The following EYS variants were observed in gnomAD, a reference collection of about 807,000 sequenced individuals.
EYS encodes the protein protein eyes shut homolog.
A neutral mutation model predicts 282.1 loss-of-function variants in EYS; 250 were observed. The ratio of observed to expected loss-of-function variants is 0.89; its 90% CI spans 0.80 to 0.98. The LOEUF is 0.98. Among genes scored for constraint, EYS ranks in the 50% least tolerant of loss-of-function variants. EYS has a pLI of 0.00. For synonymous variants in EYS, 1,355 were observed against 1,282.9 expected, an observed-to-expected ratio of 1.06 and a Z score of -1.20; for missense variants, 4,016 against 3,709.0, an observed-to-expected ratio of 1.08 and a Z score of -2.15.
chr6:64,476,667 A>T (rs1776277211), intron 26 of EYS, among the ~76,000 whole-genome samples: 1 of 152,150 alleles, frequency 6.6e-6, no homozygotes, highest in South Asian at 2.1e-4. Flanking sequence ...ATTCATTATT[A>T]TTGCCAAAGT....
intron 22 of EYS, among the ~76,000 whole-genome samples, chr6:64,775,087 G>A (rs1314738124): frequency 1.3e-5 from 2 of 151,944 alleles, no homozygotes; most frequent in Middle Eastern, 3.2e-3. Flanking sequence ...ACTCTCCTGG[G>A]ATAAAACAGC....
intron 9 of EYS, among the ~76,000 whole-genome samples, chr6:65,351,466 C>A (rs1202037573): frequency 6.6e-6 from 1 of 151,592 alleles, no homozygotes; most frequent in African/African-American, 2.4e-5. Flanking sequence ...ATTTTACTGC[C>A]ATTCATAAAG....
At chr6:65,016,508 G>C (rs12204053) in intron 13 of EYS, among the ~76,000 whole-genome samples, 2 of 152,032 alleles carry the variant, frequency 1.3e-5, no homozygotes, top group Non-Finnish European at 2.9e-5. Flanking sequence ...CAAAAATTCA[G>C]ATATTTAGAG....
At chr6:64,107,251 A>ATC (rs1773047235) in intron 31 of EYS, among the ~76,000 whole-genome samples, 1 of 126,704 alleles carries the variant, frequency 7.9e-6, no homozygotes, top group African/African-American at 3.2e-5. Context: ...GGAGATATAT[A>ATC]TATATATATG....
chr6:63,916,797 A>G (rs1308196559), intron 35 of EYS, among the ~76,000 whole-genome samples: 3 of 152,198 alleles, frequency 2.0e-5, no homozygotes, highest in Non-Finnish European at 4.4e-5. Context: ...TATTTACACC[A>G]TCTTTGTGCA....
chr6:65,408,948 T>C (rs1562160357), intron 5 of EYS, among the ~76,000 whole-genome samples: 1 of 152,152 alleles, frequency 6.6e-6, no homozygotes, highest in Non-Finnish European at 1.5e-5. Context: ...TGTTATTTTT[T>C]TCTTCTTTAC....
chr6:64,555,696 GTTA>G (rs3028204), intron 26 of EYS, among the ~76,000 whole-genome samples: 1 of 151,652 alleles, frequency 6.6e-6, no homozygotes, highest in Non-Finnish European at 1.5e-5. Context: ...GATAGTCAAA[GTTA>G]TTATAATAAT....
chr6:63,770,013 A>G (rs1172123480), intron 40 of EYS, among the ~76,000 whole-genome samples: 2 of 152,032 alleles, frequency 1.3e-5, no homozygotes, highest in Non-Finnish European at 2.9e-5. Context: ...AATAGAAAAC[A>G]TGGTCTTGTT....
At position 64,099,311 on chromosome 6, in the gene EYS, C is replaced by T. The variant is rs116346455; in HGVS notation, c.6425-17309G>A. 2.7e-3 allele frequency among the ~76,000 whole-genome samples: 406 copies of T among 152,266 alleles called. 1 individual carries two copies. Among genetic ancestry groups the T allele is most frequent in the African/African-American group, 9.1e-3 (377 of 41,548 alleles). On this transcript the variant is annotated intron_variant, in intron 31 of 42. Transcript: ENST00000503581. ...ATTAAGCATGGTTGCAATAATAGCC[C>T]CTGTTTCAGATGTGATCACTTTATG...
chr6:64,414,578 A>G (rs1202740756), intron 28 of EYS, among the ~76,000 whole-genome samples: 1 of 152,176 alleles, frequency 6.6e-6, no homozygotes, highest in Non-Finnish European at 1.5e-5. Context: ...AGTAAATCTC[A>G]TGAAGAGTTA....
chr6:65,040,185 T>C (rs953423068), intron 13 of EYS, among the ~76,000 whole-genome samples: 5 of 151,760 alleles, frequency 3.3e-5, no homozygotes, highest in African/African-American at 1.2e-4. Flanking sequence ...CGCCAAAAAA[T>C]GGGTTGTGAA....
At chr6:64,116,856 C>G (rs2150270585) in intron 31 of EYS, among the ~76,000 whole-genome samples, 1 of 151,986 alleles carries the variant, frequency 6.6e-6, no homozygotes, top group African/African-American at 2.4e-5. Context: ...AAAGGGGTCA[C>G]TTTATTAAGA....
At chr6:64,565,955 TAAA>T (rs556439758) in intron 26 of EYS, among the ~76,000 whole-genome samples, 3 of 133,302 alleles carry the variant, frequency 2.3e-5, no homozygotes, top group African/African-American at 8.1e-5. Context: ...TCATACAAAT[TAAA>T]AAAAAAAAAA....
chr6:64,218,456 G>A (rs1007431403), intron 31 of EYS, among the ~76,000 whole-genome samples: 2 of 152,090 alleles, frequency 1.3e-5, no homozygotes, highest in Admixed American at 1.3e-4. Flanking sequence ...CTTGACTTGG[G>A]AGAATTGCCA....
At position 64,591,821 on chromosome 6, in the gene EYS, C is replaced by T. The variant is rs368698537; in HGVS notation, c.4046G>A (p.Arg1349Gln). 96 of 1,551,080 alleles carry T rather than the reference C, an allele frequency of 6.2e-5. No individual in the cohort carries two copies. The highest frequency in any genetic ancestry group is 1.9e-4 in the African/African-American group (14 of 72,970). The stretch of plus-strand genomic sequence containing the variant: ...GTCACGAATACCAAAATTCAGGAAT[C>T]GAGAAGAGGAAACATCTGCGGAAGA... The part of the protein sequence containing the change: ...LLSSADVSSS[R>Q]FLNFGIRDPA... The change falls in exon 26 of 43, where the codon CGA becomes CAA. Residue 1349 changes from arginine to glutamine, a missense_variant. Physicochemically the swap from Arg to Gln is conservative, Grantham distance 43. Transcript: ENST00000503581.
intron 31 of EYS, among the ~76,000 whole-genome samples, chr6:64,095,611 A>G (rs1772568174): frequency 6.6e-6 from 1 of 151,264 alleles, no homozygotes; most frequent in East Asian, 2.0e-4. Context: ...TGCTTGGTAG[A>G]TCTTCCTCTG....
rs1027000023 is a variant in EYS at position 64,386,092 on chromosome 6, C to T, written c.6078+2598G>A. On this transcript the variant is annotated intron_variant, in intron 29 of 42. Transcript: ENST00000503581. ...CATATGTTAATGATCTTTTGTGAACCGAAGGCCCGTATTTCAAATGACTTG... is the reference window on the plus strand; with the variant it reads ...CATATGTTAATGATCTTTTGTGAACTGAAGGCCCGTATTTCAAATGACTTG... Among the ~76,000 whole-genome samples, 4 of 152,084 alleles carry T rather than the reference C, an allele frequency of 2.6e-5. No homozygotes were observed. In the South Asian group the frequency reaches 6.2e-4, roughly 24 times the overall value.
rs141713328 is a variant in EYS at position 65,606,982 on chromosome 6, A to C, written c.-333+32796T>G. Among the ~76,000 whole-genome samples the C allele has an allele frequency of 3.5e-3, 530 of 151,960 alleles. 3 individuals carry two copies. Among genetic ancestry groups the C allele is most frequent in the African/African-American group, 0.012 (512 of 41,528 alleles). On this transcript the variant is annotated intron_variant, in intron 2 of 42. Transcript: ENST00000503581. ...AAGCAGGAGTGAGTAGAATATACAAAAATCTAATCTAAGAATGGGAATGAG... is the reference window on the plus strand; with the variant it reads ...AAGCAGGAGTGAGTAGAATATACAACAATCTAATCTAAGAATGGGAATGAG...
intron 12 of EYS, among the ~76,000 whole-genome samples, chr6:65,126,653 C>G (rs1316220272): frequency 3.3e-5 from 5 of 152,094 alleles, no homozygotes; most frequent in Non-Finnish European, 5.9e-5. Flanking sequence ...CTTCAGGATT[C>G]TTATGCAGTC....
Sources: allele counts gnomAD v4.1 joint callset (sites outside exome capture counted in the v4.1 genomes callset), GRCh38; gene constraint gnomAD v4.1.1; transcripts MANE v1.5; gene names NCBI Gene and HGNC (gene_info 2026-07-23, HGNC 2026-07-21).